The following CADM1 variants were observed in gnomAD, a reference collection of about 807,000 sequenced individuals.
CADM1 encodes cell adhesion molecule 1.
Under a neutral mutation model 53.1 loss-of-function variants are expected in CADM1, and 15 were observed. The ratio of observed to expected loss-of-function variants is 0.28; its 90% confidence interval spans 0.19 to 0.44. CADM1 has a LOEUF of 0.44. Ranked by LOEUF, CADM1 falls within the 20% of genes least tolerant of loss-of-function variation. The pLI is 1.00. For missense variants in CADM1, 434 were observed against 611.3 expected, an observed-to-expected ratio of 0.71 and a Z score of 3.06; for synonymous variants, 281 against 243.0, an observed-to-expected ratio of 1.16 and a Z score of -1.45.
chr11:115,450,383 T>C (rs1445447922), intron 1 of CADM1, among the ~76,000 whole-genome samples: 1 of 152,200 alleles, frequency 6.6e-6, no homozygotes, highest in African/African-American at 2.4e-5. Context: ...TTCATAGCCT[T>C]TATTCCTAGT....
chr11:115,257,148 T>C (rs1942816572), intron 1 of CADM1, among the ~76,000 whole-genome samples: 1 of 152,132 alleles, frequency 6.6e-6, no homozygotes, highest in African/African-American at 2.4e-5. Context: ...TACGGTAGTT[T>C]TTCTTTTTAA....
At chr11:115,229,014 G>C (rs1941718714) in intron 5 of CADM1, 99 bp downstream of exon 5, 1 of 1,070,404 alleles carries the variant, frequency 9.3e-7, no homozygotes, top group Non-Finnish European at 1.4e-6. Context: ...AGAATTCTAT[G>C]TATACTATAT....
chr11:115,480,899 A>C (rs966918506), intron 1 of CADM1, among the ~76,000 whole-genome samples: 1 of 151,988 alleles, frequency 6.6e-6, no homozygotes, highest in African/African-American at 2.4e-5. Context: ...CTCAGAAGAA[A>C]ACAATGGTCT....
intron 1 of CADM1, among the ~76,000 whole-genome samples, chr11:115,475,454 CA>C (rs1949110504): frequency 6.6e-6 from 1 of 152,014 alleles, no homozygotes; most frequent in African/African-American, 2.4e-5. Flanking sequence ...TTATGGCTCA[CA>C]AAAAAACCTG....
intron 1 of CADM1, among the ~76,000 whole-genome samples, chr11:115,438,693 G>C (rs1948238569): frequency 6.6e-6 from 1 of 151,830 alleles, no homozygotes; most frequent in Admixed American, 6.6e-5. Flanking sequence ...TAAACTGTTA[G>C]AGAACTTTTA....
At chr11:115,259,918 CCT>C (rs1197032137) in intron 1 of CADM1, among the ~76,000 whole-genome samples, 2 of 152,050 alleles carry the variant, frequency 1.3e-5, no homozygotes, top group Non-Finnish European at 2.9e-5. Context: ...GGCTCTTAAC[CCT>C]CTCTGTTTTT....
intron 1 of CADM1, among the ~76,000 whole-genome samples, chr11:115,442,477 A>T (rs1948339056): frequency 6.6e-6 from 1 of 152,194 alleles, no homozygotes; most frequent in African/African-American, 2.4e-5. Flanking sequence ...TCATCTCTCC[A>T]TCAGTGCAGG....
At chr11:115,191,144 T>C (rs772159954) in intron 9 of CADM1, 1 of 563,498 alleles carries the variant, frequency 1.8e-6, no homozygotes, top group Non-Finnish European at 3.2e-6. Flanking sequence ...GGCAGAAAGA[T>C]TCCTCAGTCT....
intron 1 of CADM1, among the ~76,000 whole-genome samples, chr11:115,323,750 G>A (rs971083399): frequency 6.6e-6 from 1 of 152,174 alleles, no homozygotes; most frequent in African/African-American, 2.4e-5. Context: ...TCCTAGGACA[G>A]TGGATGATTA....
intron 1 of CADM1, among the ~76,000 whole-genome samples, chr11:115,411,130 A>G (rs1397655788): frequency 2.6e-5 from 4 of 152,216 alleles, no homozygotes; most frequent in Non-Finnish European, 5.9e-5. Flanking sequence ...CACATATATT[A>G]ATAACACCCA....
intron 5 of CADM1, among the ~76,000 whole-genome samples, chr11:115,220,732 T>A (rs1283324101): frequency 6.6e-6 from 1 of 152,192 alleles, no homozygotes; most frequent in East Asian, 1.9e-4. Context: ...CCCTGGGTGA[T>A]GGAAACTTAA....
intron 4 of CADM1, among the ~76,000 whole-genome samples, chr11:115,229,515 T>C (rs1431612893): frequency 1.3e-5 from 2 of 152,202 alleles, no homozygotes; most frequent in African/African-American, 4.8e-5. Flanking sequence ...CCATACACTA[T>C]TTTTACTGAA....
At chr11:115,272,077 A>AT (rs5794962) in intron 1 of CADM1, among the ~76,000 whole-genome samples, 87,974 of 148,042 alleles carry the variant, frequency 0.59, 28,553 homozygotes, top group Non-Finnish European at 0.74. Context: ...TTCATTATAG[A>AT]TTTTTTTTTT....
chr11:115,449,175 A>C (rs1948516956), intron 1 of CADM1, among the ~76,000 whole-genome samples: 1 of 152,226 alleles, frequency 6.6e-6, no homozygotes, highest in Non-Finnish European at 1.5e-5. Context: ...CCTCATTAAA[A>C]GTTGGAATGG....
chr11:115,225,583 CA>C (rs1160592324), intron 5 of CADM1, among the ~76,000 whole-genome samples: 1 of 152,128 alleles, frequency 6.6e-6, no homozygotes, highest in Non-Finnish European at 1.5e-5. Flanking sequence ...ACAAACACTG[CA>C]AAATCCTGGT....
intron 1 of CADM1, among the ~76,000 whole-genome samples, chr11:115,358,966 T>G (rs1216075213): frequency 6.6e-6 from 1 of 152,198 alleles, no homozygotes; most frequent in Non-Finnish European, 1.5e-5. Flanking sequence ...AGATAAATGT[T>G]TTGTGCTTCC....
At chr11:115,200,581 T>C (rs10891808) in intron 8 of CADM1, among the ~76,000 whole-genome samples, 85,038 of 151,990 alleles carry the variant, frequency 0.56, 24,605 homozygotes, top group East Asian at 0.8. Context: ...CCGCAACCTC[T>C]GGTTCCTGCA....
chr11:115,228,872 G>A (rs552436901), intron 5 of CADM1, among the ~76,000 whole-genome samples: 12 of 152,278 alleles, frequency 7.9e-5, no homozygotes, highest in African/African-American at 2.9e-4. Context: ...TAAGTCACGT[G>A]TTAGAGCAGA....
rs987444499 is a variant in CADM1 at position 115,170,585 on chromosome 11, G to A, written c.*5889C>T. 6.9e-6 allele frequency: 1 copy of A among 145,732 alleles called. No individual in the cohort carries two copies. Among genetic ancestry groups the A allele is most frequent in the Non-Finnish European group, 1.5e-5 (1 of 66,646 alleles). The allele number at this position is 145,732 out of a possible 1,614,324, so 9.0% of individuals were successfully genotyped here. A position where few individuals can be genotyped will look rare whatever the true frequency, so the allele number is the denominator to read the frequency against. ...TTCAGGGATGCTCATGTGTAATGAT[G>A]TGAGTGTTGGGTGGGGGGTGGTGGG... is the stretch of plus-strand genomic sequence containing the variant. On this transcript the variant is annotated 3_prime_UTR_variant, in exon 12 of 12. Transcript: ENST00000331581.
Sources: allele counts gnomAD v4.1 joint callset (sites outside exome capture counted in the v4.1 genomes callset), GRCh38; gene constraint gnomAD v4.1.1; transcripts MANE v1.5; gene names NCBI Gene and HGNC (gene_info 2026-07-23, HGNC 2026-07-21).